RNF13: variants seen among roughly 807,000 people sequenced by gnomAD.
The protein encoded by RNF13 is E3 ubiquitin-protein ligase RNF13.
In RNF13, 19 loss-of-function variants were observed where a neutral mutation model predicts 37.7. The ratio of observed to expected loss-of-function variants is 0.50; its 90% CI spans 0.35 to 0.74. The LOEUF (loss-of-function observed/expected upper bound fraction) is 0.74, where lower values mean the gene tolerates loss of function less well. Ranked by LOEUF, RNF13 falls within the 30% of genes least tolerant of loss-of-function variation. The pLI is 0.01. For synonymous variants in RNF13, 144 were observed against 157.8 expected (o/e 0.91, Z 0.65); for missense variants, 375 against 453.0 (o/e 0.83, Z 1.56).
In RNF13 at chr3:149,913,789, A is replaced by T. The variant is rs150952451; in HGVS notation, c.606+1706A>T. Among the ~76,000 whole-genome samples the T allele has an allele frequency of 1.4e-3, 220 of 152,316 alleles. 1 individual carries two copies. The highest frequency in any genetic ancestry group is 4.9e-3 in the African/African-American group (204 of 41,576). ...TTCTCATCACATCATATTTGAGGGT[A>T]TATGGTATCTGTAGAACATCACTGA... On this transcript the variant is annotated intron_variant, in intron 7 of 9. Transcript: ENST00000392894.
chr3:149,865,735 G>T (rs535648611), intron 3 of RNF13, among the ~76,000 whole-genome samples: 25 of 152,102 alleles, frequency 1.6e-4, no homozygotes, highest in Non-Finnish European at 2.5e-4. Flanking sequence ...GTTGCATTTG[G>T]TGTTGTTTTT....
chr3:149,931,421 C>T (rs931718130), intron 8 of RNF13, among the ~76,000 whole-genome samples: 10 of 151,998 alleles, frequency 6.6e-5, no homozygotes, highest in Non-Finnish European at 1.5e-4. Context: ...TTTTCTGCTA[C>T]TTTGAATTTA....
chr3:149,837,231 TTTA>T (rs1267616164), intron 1 of RNF13, among the ~76,000 whole-genome samples: 16 of 152,348 alleles, frequency 1.1e-4, no homozygotes, highest in African/African-American at 3.8e-4. Flanking sequence ...TAGTAAACTT[TTTA>T]TTATATAAAT....
chr3:149,831,103 G>A lies in RNF13; in HGVS notation c.-16-14908G>A, dbSNP rs533477418. ...ATGTCCAGACAGAAGTTTGCTGCGGGGGTGAAGCCCTCAGGGAGAACCTTT... is the reference window on the plus strand; with the variant it reads ...ATGTCCAGACAGAAGTTTGCTGCGGAGGTGAAGCCCTCAGGGAGAACCTTT... On this transcript the variant is annotated intron_variant, in intron 1 of 9. Coordinates refer to ENST00000392894, the MANE Select transcript of RNF13 (RefSeq NM_183381.3). Among the ~76,000 whole-genome samples, 4 of 152,366 alleles carry A rather than the reference G, an allele frequency of 2.6e-5. No individual in the cohort carries two copies. In the East Asian group the frequency reaches 7.7e-4, roughly 29 times the overall value.
Position 149,895,459 on chromosome 3 carries a change from T to C in RNF13, c.322-14T>C. 1 of 1,502,288 alleles carries C rather than the reference T, an allele frequency of 6.7e-7. No individual in the cohort carries two copies. Among genetic ancestry groups the C allele is most frequent in the Non-Finnish European group, 9.1e-7 (1 of 1,103,232 alleles). 93.1% of individuals were successfully genotyped at this position (1,502,288 alleles called of 1,614,324 possible). A position where few individuals can be genotyped will look rare whatever the true frequency, so the allele number is the denominator to read the frequency against. ...CTTATAACATAATTTTTTTTTTTTT[T>C]TTTTGCTTTGCAGGTTTTAAATGCA... On this transcript the variant is annotated splice_polypyrimidine_tract_variant and intron_variant, in intron 4 of 9. Coordinates refer to ENST00000392894, the MANE Select transcript of RNF13 (RefSeq NM_183381.3).
intron 8 of RNF13, among the ~76,000 whole-genome samples, chr3:149,955,794 C>G (rs1157376376): frequency 6.6e-6 from 1 of 152,106 alleles, no homozygotes; most frequent in African/African-American, 2.4e-5. Context: ...TTGAGGAAAC[C>G]TATTCTTGGT....
intron 7 of RNF13, among the ~76,000 whole-genome samples, chr3:149,915,416 G>A (rs555201929): frequency 1.3e-4 from 20 of 152,112 alleles, no homozygotes; most frequent in Admixed American, 3.3e-4. Context: ...TTGGTAGGAA[G>A]GTAGAATGGA....
chr3:149,945,379 C>A (rs978743379), intron 8 of RNF13, among the ~76,000 whole-genome samples: 1 of 152,130 alleles, frequency 6.6e-6, no homozygotes, highest in Non-Finnish European at 1.5e-5. Context: ...GGGGGGTGCC[C>A]GCCATTGCTG....
chr3:149,886,217 T>G (rs1434973586), intron 4 of RNF13, among the ~76,000 whole-genome samples: 1 of 152,226 alleles, frequency 6.6e-6, no homozygotes, highest in African/African-American at 2.4e-5. Context: ...CTTCTTGGTC[T>G]TTTGTGGTTT....
intron 2 of RNF13, among the ~76,000 whole-genome samples, chr3:149,849,737 A>G (rs1722961482): frequency 1.3e-5 from 2 of 152,144 alleles, no homozygotes; most frequent in African/African-American, 4.8e-5. Flanking sequence ...TACTTTGTAG[A>G]GTTGTTGTTA....
At chr3:149,897,878 A>G (rs776646157) in intron 5 of RNF13, among the ~76,000 whole-genome samples, 1 of 152,222 alleles carries the variant, frequency 6.6e-6, no homozygotes, top group East Asian at 1.9e-4. Flanking sequence ...CACTTCACGT[A>G]AGGAATATAC....
intron 4 of RNF13, among the ~76,000 whole-genome samples, chr3:149,882,449 T>G (rs1043613557): frequency 6.6e-6 from 1 of 152,172 alleles, no homozygotes. Context: ...GAGATATACA[T>G]AAACAAAAAA....
At chr3:149,904,763 A>G (rs1397249677) in intron 6 of RNF13, among the ~76,000 whole-genome samples, 4 of 146,780 alleles carry the variant, frequency 2.7e-5, no homozygotes, top group Non-Finnish European at 5.9e-5. Context: ...TCCTTACCTT[A>G]TAAGTAATAA....
intron 1 of RNF13, among the ~76,000 whole-genome samples, chr3:149,827,988 G>A (rs186692395): frequency 3.3e-5 from 5 of 151,772 alleles, no homozygotes; most frequent in African/African-American, 1.2e-4. Flanking sequence ...TATAATCAAT[G>A]GGAATGCTGT....
intron 1 of RNF13, among the ~76,000 whole-genome samples, chr3:149,835,147 G>T (rs1487692759): frequency 6.6e-6 from 1 of 151,522 alleles, no homozygotes; most frequent in African/African-American, 2.4e-5. Flanking sequence ...GCACAGGCAA[G>T]AAAAGAAAAA....
At chr3:149,871,440 A>G (rs1423925385) in intron 3 of RNF13, among the ~76,000 whole-genome samples, 2 of 149,210 alleles carry the variant, frequency 1.3e-5, no homozygotes, top group African/African-American at 5.0e-5. Flanking sequence ...ACGTCTTTTC[A>G]GTTTAGTGTA....
intron 1 of RNF13, among the ~76,000 whole-genome samples, chr3:149,824,852 G>A (rs1213779838): frequency 2.0e-5 from 3 of 150,518 alleles, no homozygotes; most frequent in Non-Finnish European, 4.4e-5. Flanking sequence ...AAGTTCAGGA[G>A]TACATGTGCA....
chr3:149,889,833 T>C lies in RNF13; in HGVS notation c.322-5640T>C, dbSNP rs898518587. On this transcript the variant is annotated intron_variant, in intron 4 of 9. Transcript: ENST00000392894. ...CTGTGCCCAGCTGATTTTTGTATTTTTAGTAGAGATGGGATTTCACCATGT... is the reference window on the plus strand; with the variant it reads ...CTGTGCCCAGCTGATTTTTGTATTTCTAGTAGAGATGGGATTTCACCATGT... Among the ~76,000 whole-genome samples the C allele has an allele frequency of 2.6e-5, 4 of 151,986 alleles. No homozygotes were observed. In the East Asian group the frequency reaches 5.8e-4, roughly 22 times the overall value.
At chr3:149,866,642 T>C (rs1711497364) in intron 3 of RNF13, among the ~76,000 whole-genome samples, 1 of 152,242 alleles carries the variant, frequency 6.6e-6, no homozygotes, top group Non-Finnish European at 1.5e-5. Flanking sequence ...AAGATGGAGT[T>C]GATCTGGTTC....
Sources: allele counts gnomAD v4.1 joint callset (sites outside exome capture counted in the v4.1 genomes callset), GRCh38; gene constraint gnomAD v4.1.1; transcripts MANE v1.5; gene names NCBI Gene and HGNC (gene_info 2026-07-23, HGNC 2026-07-21).